The following PTPRQ variants were observed in gnomAD, a reference collection of about 807,000 sequenced individuals.
PTPRQ encodes protein tyrosine phosphatase receptor type Q.
Under a neutral mutation model 246.0 loss-of-function variants are expected in PTPRQ, and 199 were observed. That is an observed-to-expected ratio of 0.81 (90% CI 0.72 to 0.91). The LOEUF (loss-of-function observed/expected upper bound fraction) is 0.91. Among genes scored for constraint, PTPRQ ranks in the 40% least tolerant of loss-of-function variants. The pLI is 0.00. For synonymous variants in PTPRQ, 869 were observed against 853.2 expected, an observed-to-expected ratio of 1.02 and a Z score of -0.32; for missense variants, 2,624 against 2,528.4, an observed-to-expected ratio of 1.04 and a Z score of -0.81.
intron 39 of PTPRQ, 25 bp from the exon 40 acceptor site, chr12:80,668,982 A>G: frequency 6.5e-7 from 1 of 1,539,790 alleles, no homozygotes; most frequent in Non-Finnish European, 8.8e-7. Flanking sequence ...ACAGTGATGC[A>G]GTGTTTGTAA....
chr12:80,600,282 A>G (rs1436728777), intron 26 of PTPRQ, among the ~76,000 whole-genome samples: 1 of 151,478 alleles, frequency 6.6e-6, no homozygotes, highest in Non-Finnish European at 1.5e-5. Context: ...GGGGTCACAC[A>G]CTCCCTGATG....
In PTPRQ at chr12:80,501,357, TTGTC is replaced by T. The variant is rs534142602; in HGVS notation, c.2273-4664_2273-4661del. On this transcript the variant is annotated intron_variant, in intron 14 of 44. Coordinates refer to ENST00000644991, the MANE Select transcript of PTPRQ (RefSeq NM_001145026.2). Reference sequence around the variant, plus strand: ...AAATGAAGATAAACTATTAGATTGTTTGTCTGAGTATCTGGGTGAGTGGTAGTGC... The same window carrying T: ...AAATGAAGATAAACTATTAGATTGTTTGAGTATCTGGGTGAGTGGTAGTGC... Among the ~76,000 whole-genome samples, 41 of 152,088 alleles carry T rather than the reference TTGTC, an allele frequency of 2.7e-4. 1 individual carries two copies. In the East Asian group the frequency reaches 7.2e-3, roughly 27 times the overall value.
At chr12:80,500,764 G>C (rs936816800) in intron 14 of PTPRQ, among the ~76,000 whole-genome samples, 2 of 151,964 alleles carry the variant, frequency 1.3e-5, no homozygotes. Context: ...AGGTAGTGTA[G>C]CTGTAGCAGT....
intron 29 of PTPRQ, among the ~76,000 whole-genome samples, chr12:80,614,830 A>G (rs1423734006): frequency 6.6e-6 from 1 of 151,018 alleles, no homozygotes; most frequent in Non-Finnish European, 1.5e-5. Flanking sequence ...ATTTGTGAGG[A>G]TTAAATATTC....
chr12:80,608,185 G>C (rs1898401574), intron 27 of PTPRQ, among the ~76,000 whole-genome samples: 1 of 150,504 alleles, frequency 6.6e-6, no homozygotes, highest in Non-Finnish European at 1.5e-5. Flanking sequence ...AGGAGAACCA[G>C]AGTCTAATTG....
intron 39 of PTPRQ, among the ~76,000 whole-genome samples, chr12:80,665,297 A>G (rs1900750237): frequency 6.6e-6 from 1 of 152,034 alleles, no homozygotes; most frequent in Non-Finnish European, 1.5e-5. Flanking sequence ...ACCCAGAAAC[A>G]ATACTTTGTG....
chr12:80,563,595 T>C (rs1896891302), intron 25 of PTPRQ, among the ~76,000 whole-genome samples: 1 of 152,194 alleles, frequency 6.6e-6, no homozygotes. Context: ...ACGTCTGTTA[T>C]TGCCAGGTAG....
At chr12:80,596,436 A>G (rs1422604080) in intron 26 of PTPRQ, among the ~76,000 whole-genome samples, 3 of 151,970 alleles carry the variant, frequency 2.0e-5, no homozygotes, top group Non-Finnish European at 4.4e-5. Flanking sequence ...TTTTTAAATC[A>G]TCAATATTTT....
chr12:80,484,537 C>A lies in PTPRQ; in HGVS notation c.1291C>A (p.Arg431=). 6.4e-7 allele frequency: 1 copy of A among 1,550,978 alleles called. No individual in the cohort carries two copies. ...RQPNGIINQY[R]VKVLVPETGI... is the part of the protein sequence containing the mutation. ...ACCAAATGGAATTATTAACCAATACCGAGTGAAAGTGCTAGTTCCAGAGAC... is the reference window on the plus strand; with the variant it reads ...ACCAAATGGAATTATTAACCAATACAGAGTGAAAGTGCTAGTTCCAGAGAC... The change falls in exon 9 of 45, where the codon CGA becomes AGA. Residue 431 remains arginine (R), a synonymous_variant. Coordinates refer to ENST00000644991, the MANE Select transcript of PTPRQ (RefSeq NM_001145026.2).
intron 33 of PTPRQ, among the ~76,000 whole-genome samples, chr12:80,626,909 T>C (rs1418923133): frequency 6.6e-6 from 1 of 152,148 alleles, no homozygotes; most frequent in African/African-American, 2.4e-5. Context: ...TTTAGAGATA[T>C]GGTTTCTTTT....
chr12:80,542,870 A>G lies in PTPRQ; in HGVS notation c.3862A>G (p.Ile1288Val). The part of the protein sequence containing the change: ...FKIHEHETDT[I>V]YYKNISGFKT... ...AATTCATGAACATGAAACTGACACT[A>G]TATATTATAAGGTAGGTTGATTATA... The change falls in exon 23 of 45, where the codon ATA becomes GTA. Residue 1288 changes from isoleucine to valine, a missense_variant. Coordinates refer to ENST00000644991, the MANE Select transcript of PTPRQ (RefSeq NM_001145026.2). The G allele has an allele frequency of 2.0e-6, 3 of 1,504,396 alleles. No individual in the cohort carries two copies. The highest frequency in any genetic ancestry group is 2.7e-6 in the Non-Finnish European group (3 of 1,119,828). 93.2% of individuals were successfully genotyped at this position (1,504,396 alleles called of 1,614,324 possible).
chr12:80,594,854 TC>T (rs1291593725), intron 26 of PTPRQ, among the ~76,000 whole-genome samples: 1 of 152,144 alleles, frequency 6.6e-6, no homozygotes, highest in Admixed American at 6.5e-5. Flanking sequence ...ATCTAAATGG[TC>T]TTTCTGCTCT....
chr12:80,514,181 T>A (rs1307424070), intron 17 of PTPRQ, among the ~76,000 whole-genome samples: 2 of 152,194 alleles, frequency 1.3e-5, no homozygotes, highest in East Asian at 3.9e-4. Context: ...AAATTTTTCC[T>A]TTTATCTTTC....
chr12:80,451,220 T>C (rs1401369197), intron 3 of PTPRQ, among the ~76,000 whole-genome samples: 2 of 150,884 alleles, frequency 1.3e-5, no homozygotes, highest in Admixed American at 6.6e-5. Flanking sequence ...GGATCAGTGG[T>C]AATATCCCCT....
chr12:80,615,046 A>T (rs369569610), intron 29 of PTPRQ, among the ~76,000 whole-genome samples: 5 of 151,040 alleles, frequency 3.3e-5, no homozygotes, highest in African/African-American at 1.2e-4. Flanking sequence ...GCATATTTGC[A>T]TTTAACAAGG....
intron 36 of PTPRQ, among the ~76,000 whole-genome samples, chr12:80,649,325 T>A (rs556344165): frequency 1.2e-3 from 177 of 152,186 alleles, no homozygotes; most frequent in Middle Eastern, 6.8e-3. Context: ...ACTTGAAAAA[T>A]TTTCTTCATT....
At chr12:80,500,418 A>G (rs919870805) in intron 14 of PTPRQ, among the ~76,000 whole-genome samples, 1 of 152,004 alleles carries the variant, frequency 6.6e-6, no homozygotes, top group African/African-American at 2.4e-5. Context: ...TTATTCCCTA[A>G]GGGTAAATGA....
At chr12:80,478,485 A>G (rs1893904437) in intron 8 of PTPRQ, among the ~76,000 whole-genome samples, 1 of 152,194 alleles carries the variant, frequency 6.6e-6, no homozygotes, top group Non-Finnish European at 1.5e-5. Context: ...CTCCTCCTCC[A>G]AAGGAATGCA....
rs779262019 is a variant in PTPRQ, at chr12:80,670,441, T to C, written c.6551T>C (p.Leu2184Ser). The C allele has an allele frequency of 3.2e-6, 5 of 1,551,166 alleles. No homozygotes were observed. The highest frequency in any genetic ancestry group is 1.4e-5 in the African/African-American group (1 of 72,956). The change falls in exon 42 of 45, where the codon TTG (leucine) becomes TCG (serine). Residue 2184 changes from leucine to serine, a missense_variant. Coordinates refer to ENST00000644991, the MANE Select transcript of PTPRQ (RefSeq NM_001145026.2). ...GCCCCTCTAATTCACTTTGTGAAGT[T>C]GGTTCGAGCAAGCAGGGCACATGAC... ...NSAPLIHFVKLVRASRAHDTT... is the reference protein window; with the variant it reads ...NSAPLIHFVKSVRASRAHDTT...
Sources: gnomAD v4.1 joint callset for allele counts (sites outside exome capture counted in the v4.1 genomes callset) on GRCh38, gnomAD v4.1.1 for gene constraint, MANE v1.5 for transcripts, NCBI Gene and HGNC (gene_info 2026-07-23, HGNC 2026-07-21) for gene names.